The following MEGF11 variants were observed in gnomAD, a reference collection of about 807,000 sequenced individuals.
MEGF11 encodes the protein multiple epidermal growth factor-like domains protein 11.
Under a neutral mutation model 146.6 loss-of-function variants are expected in MEGF11, and 126 were observed. That is an observed-to-expected ratio of 0.86 (90% CI 0.74 to 1.00). The LOEUF (loss-of-function observed/expected upper bound fraction) is 1.00. Among genes scored for constraint, MEGF11 ranks in the 50% least tolerant of loss-of-function variants. MEGF11 has a pLI of 0.00. For missense variants in MEGF11, 1,509 were observed against 1,521.2 expected (o/e 0.99, Z 0.13); for synonymous variants, 532 against 583.4 (o/e 0.91, Z 1.27).
chr15:66,026,813 A>G (rs1237736206), intron 5 of MEGF11, among the ~76,000 whole-genome samples: 1 of 152,152 alleles, frequency 6.6e-6, no homozygotes, highest in East Asian at 1.9e-4. Flanking sequence ...TGCTCTGGCT[A>G]TGTGGATTTA....
At chr15:65,995,843 G>A (rs1034115289) in intron 5 of MEGF11, among the ~76,000 whole-genome samples, 9 of 152,170 alleles carry the variant, frequency 5.9e-5, no homozygotes, top group Admixed American at 1.3e-4. Context: ...TATTCAGGAC[G>A]TCCAGGGCAG....
Position 66,245,839 on chromosome 15 carries a change from C to T in MEGF11, c.-9+7766G>A, listed in dbSNP as rs1034314861. 3.3e-5 allele frequency among the ~76,000 whole-genome samples: 5 copies of T among 152,170 alleles called. No individual in the cohort carries two copies. The South Asian group carries it at 1.0e-3, about 32-fold the overall frequency. On this transcript the variant is annotated intron_variant, in intron 1 of 25. Transcript: ENST00000395614. ...CCAAAGACACATGTCCCCCCATACA[C>T]CTATGCACTATGCTCTGAGGATGGC...
At chr15:66,188,527 G>A (rs541636221) in intron 1 of MEGF11, among the ~76,000 whole-genome samples, 3 of 152,214 alleles carry the variant, frequency 2.0e-5, no homozygotes, top group South Asian at 2.1e-4. Flanking sequence ...AGACCTTCCC[G>A]CACACACGCT....
At chr15:66,218,313 C>T (rs1468779178) in intron 1 of MEGF11, among the ~76,000 whole-genome samples, 1 of 152,174 alleles carries the variant, frequency 6.6e-6, no homozygotes, top group Non-Finnish European at 1.5e-5. Flanking sequence ...TTCCCAGGGC[C>T]ACAGTGATGA....
rs547053049 is a variant in MEGF11 at position 66,030,248 on chromosome 15, C to G, written c.395-47760G>C. Among the ~76,000 whole-genome samples, 18 of 152,292 alleles carry G rather than the reference C, an allele frequency of 1.2e-4. 1 individual carries two copies. The South Asian group carries it at 3.5e-3, about 30-fold the overall frequency. On this transcript the variant is annotated intron_variant, in intron 5 of 25. Coordinates refer to ENST00000395614, the MANE Select transcript of MEGF11 (RefSeq NM_001385028.1). ...TTCACATGACATATCCAGCCCATAC[C>G]ACATTTCCACATCACACCCAGTGCA...
At chr15:65,971,753 T>C (rs2081304602) in intron 7 of MEGF11, among the ~76,000 whole-genome samples, 1 of 152,162 alleles carries the variant, frequency 6.6e-6, no homozygotes, top group Admixed American at 6.5e-5. Flanking sequence ...TGGGGCTCAC[T>C]GTAAAACATG....
rs561457596 is a variant in MEGF11, at chr15:65,923,779, G to A, written c.1676-810C>T. ...AGAAAAAGGAACAAAGTCTATAATA[G>A]TCTTTTTGGGCTCAGGTAGAGGAAA... On this transcript the variant is annotated intron_variant, in intron 13 of 25. Coordinates refer to ENST00000395614, the MANE Select transcript of MEGF11 (RefSeq NM_001385028.1). Among the ~76,000 whole-genome samples the A allele has an allele frequency of 5.3e-5, 8 of 152,288 alleles. No individual in the cohort carries two copies. The South Asian group carries it at 1.7e-3, about 32-fold the overall frequency.
At chr15:66,098,626 C>A (rs945413806) in intron 4 of MEGF11, among the ~76,000 whole-genome samples, 6 of 152,174 alleles carry the variant, frequency 3.9e-5, no homozygotes, top group African/African-American at 1.4e-4. Context: ...ACCCCCGAAC[C>A]CAGTCTCCCC....
intron 9 of MEGF11, among the ~76,000 whole-genome samples, chr15:65,959,518 C>A (rs2080782637): frequency 6.6e-6 from 1 of 152,200 alleles, no homozygotes; most frequent in Admixed American, 6.5e-5. Flanking sequence ...TCAAAACAAT[C>A]TGAGGCTACA....
At chr15:66,108,919 A>G (rs1356468075) in intron 4 of MEGF11, among the ~76,000 whole-genome samples, 1 of 152,252 alleles carries the variant, frequency 6.6e-6, no homozygotes, top group Non-Finnish European at 1.5e-5. Context: ...GAGAGCTTAC[A>G]TAAATGCCTG....
intron 5 of MEGF11, among the ~76,000 whole-genome samples, chr15:66,016,748 C>A (rs2082900773): frequency 6.6e-6 from 1 of 152,162 alleles, no homozygotes; most frequent in Non-Finnish European, 1.5e-5. Flanking sequence ...TACTTTTATT[C>A]ACTTAATTTA....
chr15:66,028,076 C>T (rs549196483), intron 5 of MEGF11, among the ~76,000 whole-genome samples: 1 of 152,326 alleles, frequency 6.6e-6, no homozygotes, highest in African/African-American at 2.4e-5. Context: ...AGTCCCCTGT[C>T]TCAGCTCCCT....
intron 5 of MEGF11, among the ~76,000 whole-genome samples, chr15:66,094,083 G>A (rs2086434173): frequency 2.0e-5 from 3 of 152,118 alleles, no homozygotes; most frequent in Non-Finnish European, 4.4e-5. Context: ...GTACTCCTGG[G>A]CACTGTGTCA....
At chr15:65,954,802 C>T (rs940609395) in intron 10 of MEGF11, among the ~76,000 whole-genome samples, 10 of 152,192 alleles carry the variant, frequency 6.6e-5, no homozygotes, top group Non-Finnish European at 1.2e-4. Flanking sequence ...CCAGGCCTTT[C>T]TGGGGCCCCA....
intron 10 of MEGF11, among the ~76,000 whole-genome samples, chr15:65,934,104 G>A (rs2079678873): frequency 6.6e-6 from 1 of 152,138 alleles, no homozygotes; most frequent in Non-Finnish European, 1.5e-5. Context: ...CTTGGAGGAC[G>A]GAATGACCAC....
intron 16 of MEGF11, among the ~76,000 whole-genome samples, chr15:65,917,469 G>A (rs2141229016): frequency 6.6e-6 from 1 of 152,266 alleles, no homozygotes; most frequent in South Asian, 2.1e-4. Flanking sequence ...AGCTCCACAG[G>A]GTCTCTGTCC....
intron 1 of MEGF11, among the ~76,000 whole-genome samples, chr15:66,195,223 A>G (rs1302597422): frequency 6.6e-6 from 1 of 152,200 alleles, no homozygotes; most frequent in Non-Finnish European, 1.5e-5. Flanking sequence ...AACTAATCTT[A>G]TACTACTTAC....
At chr15:65,995,693 A>G (rs1197178569) in intron 5 of MEGF11, among the ~76,000 whole-genome samples, 2 of 152,160 alleles carry the variant, frequency 1.3e-5, no homozygotes, top group African/African-American at 4.8e-5. Context: ...AGTCCTGCAG[A>G]TTCCCAGAGG....
rs1306949102 is a variant in MEGF11 at position 66,194,477 on chromosome 15, A to C, written c.-9+59128T>G. ...TATGAAATTATCCGGGTGTGGTGGCACACACCTCTAGTCCCAGATAGTCAA... is the reference window on the plus strand; with the variant it reads ...TATGAAATTATCCGGGTGTGGTGGCCCACACCTCTAGTCCCAGATAGTCAA... On this transcript the variant is annotated intron_variant, in intron 1 of 25. Transcript: ENST00000395614. Among the ~76,000 whole-genome samples, 3 of 152,160 alleles carry C rather than the reference A, an allele frequency of 2.0e-5. No homozygotes were observed. In the East Asian group the frequency reaches 5.8e-4, roughly 29 times the overall value.
Sources: allele counts gnomAD v4.1 joint callset (sites outside exome capture counted in the v4.1 genomes callset), GRCh38; gene constraint gnomAD v4.1.1; transcripts MANE v1.5; gene names NCBI Gene and HGNC (gene_info 2026-07-23, HGNC 2026-07-21).